Variants in BLK observed in about 807,000 individuals in gnomAD.
BLK encodes BLK proto-oncogene, Src family tyrosine kinase.
Under a neutral mutation model 61.8 loss-of-function variants are expected in BLK, and 64 were observed. The observed-to-expected ratio is 1.03, with a 90% CI of 0.85 to 1.27. BLK has a LOEUF of 1.27. Among genes scored for constraint, BLK ranks in the 50% most tolerant of loss-of-function variants. The probability of loss-of-function intolerance (pLI) is 0.00; values close to 1 mark genes in which losing one functional copy is unlikely to be tolerated. For missense variants in BLK, 853 were observed against 660.5 expected (o/e 1.29, Z -3.19); for synonymous variants, 351 against 272.0 (o/e 1.29, Z -2.86).
chr8:11,564,173 C>G lies in BLK; in HGVS notation c.*65C>G. The stretch of plus-strand genomic sequence containing the variant: ...GGACGACCCCGACTTCCGTGCCATC[C>G]CAGACGGGCCGCGAAGGCGGGGTGT... On this transcript the variant is annotated 3_prime_UTR_variant, in exon 13 of 13. Transcript: ENST00000259089. The G allele has an allele frequency of 2.0e-6, 3 of 1,512,044 alleles. No homozygotes were observed. The highest frequency in any genetic ancestry group is 2.5e-5 in the East Asian group (1 of 40,668). The allele number at this position is 1,512,044 out of a possible 1,614,324, so 93.7% of individuals were successfully genotyped here. A position where few individuals can be genotyped will look rare whatever the true frequency, so the allele number is the denominator to read the frequency against.
At chr8:11,538,650 CT>C (rs1800235372) in intron 1 of BLK, among the ~76,000 whole-genome samples, 1 of 152,168 alleles carries the variant, frequency 6.6e-6, no homozygotes, top group Admixed American at 6.5e-5. Context: ...GCTGGCCAGA[CT>C]AAGAAAGACA....
chr8:11,530,672 TAA>T (rs369020299), intron 1 of BLK, among the ~76,000 whole-genome samples: 103,432 of 151,992 alleles, frequency 0.68, 35,751 homozygotes, highest in East Asian at 1. Flanking sequence ...TTAAAAGTTG[TAA>T]ATAGCTCAGT....
intron 1 of BLK, among the ~76,000 whole-genome samples, chr8:11,500,711 C>T (rs1403362053): frequency 1.3e-5 from 2 of 149,854 alleles, no homozygotes; most frequent in African/African-American, 4.9e-5. Context: ...TGGGTTTTTA[C>T]CATGTTGTCT....
chr8:11,519,722 C>G (rs1387887045), intron 1 of BLK, among the ~76,000 whole-genome samples: 1 of 152,118 alleles, frequency 6.6e-6, no homozygotes, highest in African/African-American at 2.4e-5. Flanking sequence ...ATGAACAGAT[C>G]AAGGAAGCTG....
chr8:11,545,180 C>T (rs1448430876), intron 2 of BLK, among the ~76,000 whole-genome samples: 1 of 152,170 alleles, frequency 6.6e-6, no homozygotes, highest in African/African-American at 2.4e-5. Context: ...GGCTGTTGCT[C>T]ATTAATTTTA....
chr8:11,555,566 G>C, intron 8 of BLK, 82 bp downstream of exon 8: 1 of 1,591,018 alleles, frequency 6.3e-7, no homozygotes, highest in Non-Finnish European at 8.6e-7. Context: ...CATTTTCATA[G>C]CGTGTCATCC....
intron 1 of BLK, among the ~76,000 whole-genome samples, chr8:11,526,654 G>T (rs749274408): frequency 2.6e-5 from 4 of 152,228 alleles, no homozygotes; most frequent in African/African-American, 4.8e-5. Context: ...GGGAGGTGGA[G>T]GTTGCAGTGA....
chr8:11,535,268 GAAA>G (rs1800073327), intron 1 of BLK, among the ~76,000 whole-genome samples: 1 of 98,286 alleles, frequency 1.0e-5, no homozygotes, highest in Admixed American at 1.0e-4. Flanking sequence ...AAAGAAGAAA[GAAA>G]GAAAGAAAGA....
Position 11,543,272 on chromosome 8 carries a change from A to G in BLK, c.48A>G (p.Lys16=), listed in dbSNP as rs2117448661. 2 of 1,614,084 alleles carry G rather than the reference A, an allele frequency of 1.2e-6. No homozygotes were observed. The highest frequency in any genetic ancestry group is 1.7e-6 in the Non-Finnish European group (2 of 1,180,030). ...AGCCGGACAAGGAAAAGCCGATCAA[A>G]GAGAAGGACAAGGGCCAATGGAGCC... The part of the protein sequence containing the change: ...SKKPDKEKPI[K]EKDKGQWSPL... The change falls in exon 2 of 13, where the codon AAA becomes AAG. Residue 16 remains lysine (K), a synonymous_variant. Coordinates refer to ENST00000259089, the MANE Select transcript of BLK (RefSeq NM_001715.3).
intron 1 of BLK, among the ~76,000 whole-genome samples, chr8:11,517,476 C>T (rs1799273566): frequency 6.6e-6 from 1 of 152,182 alleles, no homozygotes; most frequent in Non-Finnish European, 1.5e-5. Flanking sequence ...TCCCTGGCCC[C>T]TTTTTGGCTT....
chr8:11,503,015 T>C (rs1288269991), intron 1 of BLK, among the ~76,000 whole-genome samples: 1 of 152,180 alleles, frequency 6.6e-6, no homozygotes, highest in Non-Finnish European at 1.5e-5. Flanking sequence ...GATACAAGGA[T>C]GTCCCCTTGG....
In BLK at chr8:11,548,018, C is replaced by G. The variant is rs1354771207; in HGVS notation, c.176-14C>G. 8 of 1,612,482 alleles carry G rather than the reference C, an allele frequency of 5.0e-6. No individual in the cohort carries two copies. Among genetic ancestry groups the G allele is most frequent in the African/African-American group, 1.3e-5 (1 of 74,876 alleles). On this transcript the variant is annotated splice_polypyrimidine_tract_variant and intron_variant, in intron 3 of 12. Transcript: ENST00000259089. ...GGGCCTGAGTGGTGGTCATCTCTCC[C>G]TTGTTCATTTTAGACAAGCATTTCG...
rs139287670 is a variant in BLK at position 11,534,549 on chromosome 8, T to G, written c.-1-8675T>G. Among the ~76,000 whole-genome samples the G allele has an allele frequency of 1.1e-3, 169 of 152,336 alleles. 2 individuals carry two copies. Among genetic ancestry groups the G allele is most frequent in the Admixed American group, 5.0e-3 (77 of 15,304 alleles). On this transcript the variant is annotated intron_variant, in intron 1 of 12. Transcript: ENST00000259089. ...TTGACTTAACACAGCTTTATAAAAATGCCTTCTTCCTTCCTTCCTGAAGGT... is the reference window on the plus strand; with the variant it reads ...TTGACTTAACACAGCTTTATAAAAAGGCCTTCTTCCTTCCTTCCTGAAGGT...
Position 11,554,879 on chromosome 8 carries a change from G to T in BLK, c.609G>T (p.Gln203His), listed in dbSNP as rs780129239. The change falls in exon 7 of 13, where the codon CAG becomes CAT. Residue 203 changes from glutamine to histidine, a missense_variant. Gln to His is a conservative substitution (Grantham distance 24). Coordinates refer to ENST00000259089, the MANE Select transcript of BLK (RefSeq NM_001715.3). ...TCCCCTCGCTCCAGGCCCTGGTGCA[G>T]CACTATTCTAGTAAGAGGGGGCGTG... ...ITFPSLQALV[Q>H]HYSKKGDGLC... 4 of 1,613,176 alleles carry T rather than the reference G, an allele frequency of 2.5e-6. No individual in the cohort carries two copies. The African/African-American group carries it at 4.0e-5, about 16-fold the overall frequency.
chr8:11,550,290 C>G (rs749767816), intron 6 of BLK, 28 bp downstream of exon 6: 2 of 1,606,354 alleles, frequency 1.2e-6, no homozygotes, highest in Non-Finnish European at 1.7e-6. Flanking sequence ...GCCTGCCTTC[C>G]TTGCCCTGCT....
At chr8:11,509,971 T>G (rs539446755) in intron 1 of BLK, 1 of 152,362 alleles carries the variant, frequency 6.6e-6, no homozygotes, top group South Asian at 2.1e-4. Context: ...TTTTGATCAC[T>G]TTTGAGGACT....
rs1800728597 is a variant in BLK at position 11,548,113 on chromosome 8, A to G, written c.257A>G (p.Gln86Arg). 1.2e-6 allele frequency: 2 copies of G among 1,613,230 alleles called. No homozygotes were observed. Among genetic ancestry groups the G allele is most frequent in the East Asian group, 2.2e-5 (1 of 44,866 alleles). ...DLQMLKGEKLQVLKGTGDWWL... is the reference protein window; with the variant it reads ...DLQMLKGEKLRVLKGTGDWWL... Reference sequence around the variant, plus strand: ...CAGATGCTGAAGGGGGAGAAGCTACAGGTCCTGAAGGGGTGAGGTTCCAGG... The same window carrying G: ...CAGATGCTGAAGGGGGAGAAGCTACGGGTCCTGAAGGGGTGAGGTTCCAGG... The change falls in exon 4 of 13, where the codon CAG (glutamine) becomes CGG (arginine). Residue 86 changes from glutamine to arginine, a missense_variant. By Grantham distance (43) the Gln-to-Arg change is conservative (BLOSUM62 1). Coordinates refer to ENST00000259089, the MANE Select transcript of BLK (RefSeq NM_001715.3).
intron 1 of BLK, among the ~76,000 whole-genome samples, chr8:11,533,634 G>A (rs1367310240): frequency 7.2e-6 from 1 of 139,380 alleles, no homozygotes; most frequent in Non-Finnish European, 1.6e-5. Context: ...GGAGGAGGGG[G>A]AAGGGGAGGT....
Position 11,520,036 on chromosome 8 carries a change from G to A in BLK, c.-1-23188G>A, listed in dbSNP as rs189862099. On this transcript the variant is annotated intron_variant, in intron 1 of 12. Transcript: ENST00000259089. ...TGTAAAGTTTTGAATTTTATCAAAA[G>A]ATTAGTAGTCACACACAAACCACAG... Among the ~76,000 whole-genome samples, 3 of 152,250 alleles carry A rather than the reference G, an allele frequency of 2.0e-5. No individual in the cohort carries two copies. The East Asian group carries it at 5.8e-4, about 29-fold the overall frequency.
Sources: allele counts gnomAD v4.1 joint callset (sites outside exome capture counted in the v4.1 genomes callset), GRCh38; gene constraint gnomAD v4.1.1; transcripts MANE v1.5; gene names NCBI Gene and HGNC (gene_info 2026-07-23, HGNC 2026-07-21).